DNER: variants seen among roughly 807,000 people sequenced by gnomAD.
DNER encodes delta and Notch-like epidermal growth factor-related receptor.
DNER carries 33 observed loss-of-function variants against 78.2 expected under a neutral mutation model. The observed-to-expected ratio is 0.42, with a 90% CI of 0.32 to 0.56. The LOEUF (loss-of-function observed/expected upper bound fraction) is 0.56, where lower values mean the gene tolerates loss of function less well. Among genes scored for constraint, DNER ranks in the 20% least tolerant of loss-of-function variants. The pLI, the probability that DNER is intolerant of heterozygous loss-of-function variation, is 0.11. For synonymous variants in DNER, 417 were observed against 384.8 expected, an observed-to-expected ratio of 1.08 and a Z score of -0.98; for missense variants, 918 against 975.3, an observed-to-expected ratio of 0.94 and a Z score of 0.78.
intron 1 of DNER, among the ~76,000 whole-genome samples, chr2:229,666,086 T>C (rs969350883): frequency 2.0e-5 from 3 of 152,206 alleles, no homozygotes; most frequent in Admixed American, 6.5e-5. Context: ...TTTCCTATCG[T>C]ATTTCCCATT....
intron 1 of DNER, among the ~76,000 whole-genome samples, chr2:229,659,588 T>G (rs12052464): frequency 0.41 from 62,493 of 151,912 alleles, 14,638 homozygotes; most frequent in Non-Finnish European, 0.54. Context: ...GAGCCTTTCT[T>G]AAACTCACCA....
At chr2:229,695,118 A>G (rs1699642021) in intron 1 of DNER, among the ~76,000 whole-genome samples, 1 of 152,126 alleles carries the variant, frequency 6.6e-6, no homozygotes, top group Non-Finnish European at 1.5e-5. Context: ...GTGAATGAGG[A>G]CATGTTTGCT....
intron 7 of DNER, among the ~76,000 whole-genome samples, chr2:229,474,006 A>G (rs1016317335): frequency 6.6e-5 from 10 of 152,138 alleles, no homozygotes; most frequent in Non-Finnish European, 1.2e-4. Context: ...CCTGGGTTGA[A>G]GCAATTCTTG....
chr2:229,584,893 CAAAAAAAA>C (rs112680143), intron 4 of DNER, among the ~76,000 whole-genome samples: 1 of 60,824 alleles, frequency 1.6e-5, no homozygotes, highest in Non-Finnish European at 3.5e-5. Context: ...GAGATCGTCC[CAAAAAAAA>C]AAAAAAAAAA....
At chr2:229,547,181 G>A in intron 4 of DNER, 89 bp from the exon 5 acceptor site, 1 of 1,528,856 alleles carries the variant, frequency 6.5e-7, no homozygotes, top group East Asian at 2.3e-5. Flanking sequence ...CTTTCTACAA[G>A]ACTATGAATT....
At chr2:229,563,847 C>T (rs1280108363) in intron 4 of DNER, among the ~76,000 whole-genome samples, 1 of 140,976 alleles carries the variant, frequency 7.1e-6, no homozygotes, top group African/African-American at 2.6e-5. Flanking sequence ...CACCCCACCA[C>T]CGTCATCATC....
chr2:229,644,709 A>G (rs543522048), intron 1 of DNER, among the ~76,000 whole-genome samples: 4 of 152,160 alleles, frequency 2.6e-5, no homozygotes, highest in African/African-American at 7.2e-5. Flanking sequence ...GCAGGTTTCT[A>G]AGGCTCTTTC....
chr2:229,606,437 C>G (rs1559180607), intron 1 of DNER: 1 of 152,066 alleles, frequency 6.6e-6, no homozygotes, highest in Non-Finnish European at 1.5e-5. Context: ...GAGAAATCCA[C>G]CAGCAGTCCC....
intron 6 of DNER, among the ~76,000 whole-genome samples, chr2:229,489,834 G>T (rs741561): frequency 0.25 from 38,468 of 151,906 alleles, 5,000 homozygotes; most frequent in South Asian, 0.32. Context: ...GATGAGGAAG[G>T]AGCCCTCGAA....
At chr2:229,544,955 T>C (rs1293528771) in intron 5 of DNER, among the ~76,000 whole-genome samples, 1 of 152,174 alleles carries the variant, frequency 6.6e-6, no homozygotes, top group East Asian at 1.9e-4. Context: ...GTCCCCCTCC[T>C]CACACTTATC....
intron 5 of DNER, among the ~76,000 whole-genome samples, chr2:229,542,230 A>G (rs1696530065): frequency 6.6e-6 from 1 of 152,074 alleles, no homozygotes; most frequent in Admixed American, 6.6e-5. Context: ...AAGTTCAGAG[A>G]GAGATCTAAA....
At chr2:229,445,713 G>A (rs1164963314) in intron 8 of DNER, among the ~76,000 whole-genome samples, 4 of 152,102 alleles carry the variant, frequency 2.6e-5, no homozygotes, top group Non-Finnish European at 5.9e-5. Flanking sequence ...CTTCCCTACG[G>A]ATTTTGGACT....
chr2:229,563,557 G>GCCCATCACCATCATCA (rs1697016338), intron 4 of DNER, among the ~76,000 whole-genome samples: 1 of 47,738 alleles, frequency 2.1e-5, no homozygotes, highest in African/African-American at 8.9e-5. Flanking sequence ...CACCATCATC[G>GCCCATCACCATCATCA]TCATCATCCT....
chr2:229,614,981 C>T (rs938953318), intron 1 of DNER, among the ~76,000 whole-genome samples: 1 of 152,158 alleles, frequency 6.6e-6, no homozygotes, highest in African/African-American at 2.4e-5. Flanking sequence ...TTAGCAGTAA[C>T]ATTTATCACC....
At chr2:229,425,679 C>T (rs1559348299) in intron 8 of DNER, among the ~76,000 whole-genome samples, 1 of 152,182 alleles carries the variant, frequency 6.6e-6, no homozygotes. Context: ...TCCCTCTCCC[C>T]GCCCGTCCCT....
At chr2:229,633,487 G>A (rs1456652487) in intron 1 of DNER, among the ~76,000 whole-genome samples, 1 of 152,048 alleles carries the variant, frequency 6.6e-6, no homozygotes, top group East Asian at 1.9e-4. Flanking sequence ...AATACATTGT[G>A]GGAACTAAAC....
intron 4 of DNER, among the ~76,000 whole-genome samples, chr2:229,563,503 T>A (rs1349234381): frequency 2.0e-5 from 3 of 146,946 alleles, no homozygotes; most frequent in African/African-American, 7.7e-5. Context: ...CCCATCATCA[T>A]CATCAACATC....
At chr2:229,414,349 G>A (rs530219156) in intron 9 of DNER, among the ~76,000 whole-genome samples, 3 of 152,068 alleles carry the variant, frequency 2.0e-5, no homozygotes, top group South Asian at 2.1e-4. Context: ...TCACTGCAAC[G>A]TCTACCTCCC....
chr2:229,591,837 T>C lies in DNER; in HGVS notation c.328A>G (p.Ser110Gly). Residue 110 changes from serine (S) to glycine (G), a missense_variant, in exon 2 of 13, where the codon AGC (serine) becomes GGC (glycine). By Grantham distance (56) the Ser-to-Gly change is moderately conservative. Transcript: ENST00000341772. The surrounding 1 kb of genome is among the most constrained non-coding windows in gnomAD (Gnocchi z 4.6). ...SNPCHHGNCS[S>G]SSSSSSDGYL... ...CCATCGCTGCTGCTGCTGCTGCTGC[T>C]GCTGCAGTTGCCATGGTGACAAGGG... 1 of 1,610,852 alleles carries C rather than the reference T, an allele frequency of 6.2e-7. No individual in the cohort carries two copies. The highest frequency in any genetic ancestry group is 8.5e-7 in the Non-Finnish European group (1 of 1,178,596).
Sources: allele counts gnomAD v4.1 joint callset (sites outside exome capture counted in the v4.1 genomes callset), GRCh38; gene constraint gnomAD v4.1.1; non-coding constraint Gnocchi (gnomAD v3.1); transcripts MANE v1.5; gene names NCBI Gene and HGNC (gene_info 2026-07-23, HGNC 2026-07-21).